PPM1L: variants seen among roughly 807,000 people sequenced by gnomAD.
PPM1L encodes protein phosphatase 1L.
In PPM1L, 13 loss-of-function variants were observed where a neutral mutation model predicts 31.4. The ratio of observed to expected loss-of-function variants is 0.41; its 90% CI spans 0.27 to 0.66. The LOEUF is 0.66. Among genes scored for constraint, PPM1L ranks in the 30% least tolerant of loss-of-function variants. PPM1L has a pLI of 0.29. For synonymous variants in PPM1L, 184 were observed against 175.4 expected (o/e 1.05, Z -0.39); for missense variants, 326 against 453.7 (o/e 0.72, Z 2.56).
At chr3:160,764,483 T>C in intron 1 of PPM1L, among the ~76,000 whole-genome samples, 1 of 152,096 alleles carries the variant, frequency 6.6e-6, no homozygotes, top group Non-Finnish European at 1.5e-5. Flanking sequence ...CTCTTTTTTT[T>C]TTTAAGACGG....
chr3:160,781,531 C>T (rs1711748383), intron 1 of PPM1L, among the ~76,000 whole-genome samples: 1 of 152,094 alleles, frequency 6.6e-6, no homozygotes, highest in African/African-American at 2.4e-5. Context: ...TTAGATGTCC[C>T]CTCTAAAAGC....
At chr3:161,031,188 A>G (rs1441656196) in intron 2 of PPM1L, among the ~76,000 whole-genome samples, 1 of 152,246 alleles carries the variant, frequency 6.6e-6, no homozygotes, top group African/African-American at 2.4e-5. Context: ...TGTTTGATAA[A>G]GCAAGAGGTC....
chr3:161,002,342 G>A (rs1409243377), intron 2 of PPM1L, among the ~76,000 whole-genome samples: 3 of 152,060 alleles, frequency 2.0e-5, no homozygotes, highest in African/African-American at 7.3e-5. Flanking sequence ...TAGTCGTTTG[G>A]GTATATACCC....
chr3:160,950,892 G>GAT (rs1715556394), intron 1 of PPM1L, among the ~76,000 whole-genome samples: 1 of 152,128 alleles, frequency 6.6e-6, no homozygotes, highest in South Asian at 2.1e-4. Flanking sequence ...AATACATTTG[G>GAT]ATAGCACTAA....
intron 3 of PPM1L, among the ~76,000 whole-genome samples, chr3:161,065,973 T>A (rs149786282): frequency 2.0e-5 from 3 of 152,260 alleles, no homozygotes; most frequent in Admixed American, 6.5e-5. Context: ...AAACTCAGTT[T>A]AAGGTGTTCT....
At chr3:160,904,193 G>A (rs923342021) in intron 1 of PPM1L, among the ~76,000 whole-genome samples, 3 of 152,060 alleles carry the variant, frequency 2.0e-5, no homozygotes, top group Non-Finnish European at 4.4e-5. Flanking sequence ...CGTGAACCAA[G>A]GCTAAAGCTC....
intron 2 of PPM1L, among the ~76,000 whole-genome samples, chr3:160,966,890 T>TAA (rs1331350293): frequency 4.5e-4 from 69 of 152,084 alleles, no homozygotes; most frequent in Non-Finnish European, 8.4e-4. Context: ...GAGAAAAGGT[T>TAA]CAATAATGTT....
intron 1 of PPM1L, among the ~76,000 whole-genome samples, chr3:160,821,058 C>G (rs961179788): frequency 2.0e-5 from 3 of 151,930 alleles, no homozygotes; most frequent in Admixed American, 2.0e-4. Flanking sequence ...GGGAAGACAG[C>G]CTGTATTTTG....
intron 2 of PPM1L, among the ~76,000 whole-genome samples, chr3:161,051,703 G>A (rs1719285493): frequency 6.6e-6 from 1 of 152,022 alleles, no homozygotes; most frequent in South Asian, 2.1e-4. Flanking sequence ...CTGATTAGGG[G>A]TTATTTATCC....
chr3:161,022,369 AT>A, intron 2 of PPM1L: 1 of 385,648 alleles, frequency 2.6e-6, no homozygotes, highest in Non-Finnish European at 4.6e-6. Flanking sequence ...TTATGCATTT[AT>A]TTTTTAAATT....
In PPM1L at chr3:160,756,751, TCGTG is replaced by T. The variant is rs749183910; in HGVS notation, c.399+45_399+48del. 5.1e-6 allele frequency: 6 copies of T among 1,181,408 alleles called. No homozygotes were observed. The highest frequency in any genetic ancestry group is 5.8e-6 in the Non-Finnish European group (5 of 859,204). 73.2% of individuals were successfully genotyped at this position (1,181,408 alleles called of 1,614,324 possible). ...CTTTGTATTTGTGTCCGTGTATGTC[TCGTG>T]TGTGTGTGTGTGTGTGTGTGTGTGT... On this transcript the variant is annotated intron_variant, in intron 1 of 3. Transcript: ENST00000498165. The surrounding 1 kb of genome is among the most constrained non-coding windows in gnomAD (Gnocchi z 6.2).
intron 1 of PPM1L, among the ~76,000 whole-genome samples, chr3:160,893,554 C>T (rs1713227437): frequency 6.6e-6 from 1 of 152,096 alleles, no homozygotes; most frequent in African/African-American, 2.4e-5. Context: ...ATCAGAGCTC[C>T]CTAAATGAAA....
chr3:160,899,555 G>A (rs1488688752), intron 1 of PPM1L, among the ~76,000 whole-genome samples: 2 of 151,346 alleles, frequency 1.3e-5, no homozygotes, highest in African/African-American at 2.4e-5. Context: ...TACAGCTTTG[G>A]TCACTTCACT....
chr3:160,972,713 C>A (rs1716393105), intron 2 of PPM1L, among the ~76,000 whole-genome samples: 1 of 151,924 alleles, frequency 6.6e-6, no homozygotes. Context: ...GGGTATATAC[C>A]CAGTAATGGG....
At chr3:160,909,866 A>T (rs1713894288) in intron 1 of PPM1L, among the ~76,000 whole-genome samples, 1 of 152,168 alleles carries the variant, frequency 6.6e-6, no homozygotes, top group Admixed American at 6.5e-5. Flanking sequence ...AATTCTGCCC[A>T]TGTGGGTGGG....
chr3:160,914,396 C>G (rs1044061007), intron 1 of PPM1L, among the ~76,000 whole-genome samples: 3 of 151,022 alleles, frequency 2.0e-5, no homozygotes, highest in South Asian at 2.1e-4. Context: ...CCATTAACTC[C>G]TCATTTAACA....
intron 2 of PPM1L, among the ~76,000 whole-genome samples, chr3:161,037,369 A>G (rs1315862911): frequency 6.6e-6 from 1 of 150,724 alleles, no homozygotes; most frequent in Admixed American, 6.6e-5. Flanking sequence ...GTTTGCCAGA[A>G]TCCATGTGAA....
At chr3:160,878,921 G>A (rs1373208051) in intron 1 of PPM1L, among the ~76,000 whole-genome samples, 1 of 152,156 alleles carries the variant, frequency 6.6e-6, no homozygotes, top group Non-Finnish European at 1.5e-5. Context: ...GAATGTCCCT[G>A]TTGTTAGGTC....
At position 160,945,989 on chromosome 3, in the gene PPM1L, A is replaced by G. The variant is rs571183843; in HGVS notation, c.400-15747A>G. ...TATTTATGTTATTGGTAAGGCTGTC[A>G]TTCAACAATAGGTTATTAGTAGTTA... On this transcript the variant is annotated intron_variant, in intron 1 of 3. Transcript: ENST00000498165. Among the ~76,000 whole-genome samples, 48 of 152,330 alleles carry G rather than the reference A, an allele frequency of 3.2e-4. 1 individual carries two copies. In the South Asian group the frequency reaches 8.5e-3, roughly 27 times the overall value.
Sources: allele counts gnomAD v4.1 joint callset (sites outside exome capture counted in the v4.1 genomes callset), GRCh38; gene constraint gnomAD v4.1.1; non-coding constraint Gnocchi (gnomAD v3.1); transcripts MANE v1.5; gene names NCBI Gene and HGNC (gene_info 2026-07-23, HGNC 2026-07-21).